PSME4: variants seen among roughly 807,000 people sequenced by gnomAD.
PSME4 encodes proteasome activator complex subunit 4.
Under a neutral mutation model 253.9 loss-of-function variants are expected in PSME4, and 89 were observed. The observed-to-expected ratio is 0.35, with a 90% CI of 0.30 to 0.42. The LOEUF (loss-of-function observed/expected upper bound fraction) is 0.42. PSME4 is among the 10% of genes least tolerant of loss of function. The pLI is 1.00. For missense variants in PSME4, 2,014 were observed against 2,195.2 expected (o/e 0.92, Z 1.65); for synonymous variants, 851 against 759.2 (o/e 1.12, Z -1.99).
chr2:53,869,291 C>G, intron 44 of PSME4, 85 bp downstream of exon 44: 1 of 1,326,114 alleles, frequency 7.5e-7, no homozygotes, highest in Non-Finnish European at 1.0e-6. Flanking sequence ...CACATACATA[C>G]AAGTTATTCA....
rs774008613 is a variant in PSME4 at position 53,948,566 on chromosome 2, T to C, written c.384-29A>G. On this transcript the variant is annotated intron_variant, in intron 2 of 46. Transcript: ENST00000404125. ...AAAAGTAAAATAAAATAAATACCTA[T>C]GTATGCATATGTGCACAGATGTGTG... 15 of 1,281,062 alleles carry C rather than the reference T, an allele frequency of 1.2e-5. No individual in the cohort carries two copies. The Admixed American group carries it at 2.0e-4, about 17-fold the overall frequency. 79.4% of individuals were successfully genotyped at this position (1,281,062 alleles called of 1,614,324 possible).
chr2:53,893,238 A>AT lies in PSME4; in HGVS notation c.4039-279dup, dbSNP rs56187845. On this transcript the variant is annotated intron_variant, in intron 35 of 46. Coordinates refer to ENST00000404125, the MANE Select transcript of PSME4 (RefSeq NM_014614.3). ...ATAAAAAACGCATGCAGTTTTGGGT[A>AT]TTTTTTTTCCTTCTAATGCCAATTA... Among the ~76,000 whole-genome samples, 3 of 151,836 alleles carry AT rather than the reference A, an allele frequency of 2.0e-5. No homozygotes were observed. The East Asian group carries it at 5.8e-4, about 29-fold the overall frequency.
chr2:53,960,104 TA>T (rs1424531425), intron 1 of PSME4, among the ~76,000 whole-genome samples: 1 of 152,100 alleles, frequency 6.6e-6, no homozygotes, highest in Non-Finnish European at 1.5e-5. Flanking sequence ...TCTGCAGAAT[TA>T]AGAGTCATAG....
At chr2:53,868,872 C>T (rs992951170) in intron 44 of PSME4, among the ~76,000 whole-genome samples, 7 of 151,814 alleles carry the variant, frequency 4.6e-5, no homozygotes, top group African/African-American at 1.5e-4. Context: ...ACATAGTAGT[C>T]AGATCTTATT....
At chr2:53,879,295 G>C (rs1266347137) in intron 41 of PSME4, among the ~76,000 whole-genome samples, 2 of 152,160 alleles carry the variant, frequency 1.3e-5, no homozygotes, top group African/African-American at 4.8e-5. Flanking sequence ...TCTAGAGAGT[G>C]TCTGGTTAAA....
Position 53,940,896 on chromosome 2 carries a change from A to AATAT in PSME4, c.501-900_501-897dup, listed in dbSNP as rs1200633852. Among the ~76,000 whole-genome samples the AATAT allele has an allele frequency of 1.1e-4, 13 of 113,670 alleles. 1 individual carries two copies. The highest frequency in any genetic ancestry group is 3.0e-4 in the South Asian group (1 of 3,344). 74.6% of individuals were successfully genotyped at this position (113,670 alleles called of 152,430 possible). Reference sequence around the variant, plus strand: ...TTTAAATATATATAATACATATTTAAATATATATAATACATATTTAAATAT... The same window carrying AATAT: ...TTTAAATATATATAATACATATTTAAATATATATATATAATACATATTTAAATAT... On this transcript the variant is annotated intron_variant, in intron 3 of 46. Transcript: ENST00000404125.
intron 13 of PSME4, 83 bp from the exon 14 acceptor site, chr2:53,925,772 T>G: frequency 2.2e-6 from 3 of 1,393,588 alleles, no homozygotes; most frequent in South Asian, 2.5e-5. Context: ...CTCTCTATTG[T>G]CCTAATTATT....
chr2:53,949,086 C>T (rs1669854708), intron 2 of PSME4, 57 bp downstream of exon 2: 3 of 1,482,298 alleles, frequency 2.0e-6, no homozygotes, highest in Non-Finnish European at 2.7e-6. Context: ...GTCCTCATTC[C>T]CTAAAACCCT....
intron 9 of PSME4, 100 bp from the exon 10 acceptor site, chr2:53,932,200 C>T (rs1668863386): frequency 9.0e-7 from 1 of 1,116,636 alleles, no homozygotes. Flanking sequence ...TTAAAAATAA[C>T]AGTTCTTATT....
At position 53,936,683 on chromosome 2, in the gene PSME4, A is replaced by C. The variant is rs892323830; in HGVS notation, c.759+81T>G. Reference sequence around the variant, plus strand: ...CTTACCAAATGATCTATTAATATTTATCTCCAAATTAAAAAAGTATGGGGG... The same window carrying C: ...CTTACCAAATGATCTATTAATATTTCTCTCCAAATTAAAAAAGTATGGGGG... On this transcript the variant is annotated intron_variant, in intron 6 of 46. Transcript: ENST00000404125. The C allele has an allele frequency of 6.1e-6, 6 of 987,872 alleles. No individual in the cohort carries two copies. In the South Asian group the frequency reaches 1.2e-4, roughly 19 times the overall value. The allele number at this position is 987,872 out of a possible 1,614,324, so 61.2% of individuals were successfully genotyped here.
At chr2:53,910,902 A>T (rs1270555792) in intron 20 of PSME4, among the ~76,000 whole-genome samples, 1 of 152,224 alleles carries the variant, frequency 6.6e-6, no homozygotes, top group Non-Finnish European at 1.5e-5. Context: ...AAAGAGATAC[A>T]TTCTAAAAGG....
At position 53,920,348 on chromosome 2, in the gene PSME4, G is replaced by C. The variant is rs1573290939; in HGVS notation, c.2265C>G (p.Asp755Glu). Residue 755 changes from aspartate (D) to glutamate (E), a missense_variant and splice_region_variant, in exon 19 of 47, where the codon GAC becomes GAG. Asp to Glu is a conservative substitution (Grantham distance 45). Transcript: ENST00000404125. ...TCCACAAGTCCCCGGGTTTGCCCCAGTCCTAGAAGAGAACAGCATCTACTC... is the reference window on the plus strand; with the variant it reads ...TCCACAAGTCCCCGGGTTTGCCCCACTCCTAGAAGAGAACAGCATCTACTC... The part of the protein sequence containing the change: ...KPPSEYFPIK[D>E]WGKPGDLWNL... 1 of 1,608,116 alleles carries C rather than the reference G, an allele frequency of 6.2e-7. No homozygotes were observed.
chr2:53,946,372 C>T (rs1302421437), intron 3 of PSME4, among the ~76,000 whole-genome samples: 3 of 152,150 alleles, frequency 2.0e-5, no homozygotes, highest in Non-Finnish European at 2.9e-5. Context: ...CTGATCTGAA[C>T]ACAGTTCAAA....
intron 24 of PSME4, 88 bp from the exon 25 acceptor site, chr2:53,906,956 A>G (rs1470383195): frequency 8.4e-7 from 1 of 1,193,900 alleles, no homozygotes; most frequent in Admixed American, 1.9e-5. Flanking sequence ...ATAAGTGGTC[A>G]AAAAGGTCCC....
chr2:53,932,076 G>A lies in PSME4; in HGVS notation c.1075C>T (p.Arg359Trp), dbSNP rs1484052394. ...CTTCTAACAACACTGTTTGGCAACC[G>A]CTGAAGTAGTTTCATTAACTTGTTC... ...WLNKLMKLLQ[R>W]LPNSVVRRLH... Residue 359 changes from arginine to tryptophan, a missense_variant, in exon 10 of 47, where the codon CGG (arginine) becomes TGG (tryptophan). By Grantham distance (101) the Arg-to-Trp change is moderately radical (BLOSUM62 -3). Transcript: ENST00000404125. 1.2e-6 allele frequency: 2 copies of A among 1,613,938 alleles called. No individual in the cohort carries two copies. The highest frequency in any genetic ancestry group is 1.7e-6 in the Non-Finnish European group (2 of 1,179,900).
chr2:53,936,714 A>C, intron 6 of PSME4, 50 bp downstream of exon 6: 1 of 1,370,770 alleles, frequency 7.3e-7, no homozygotes, highest in Non-Finnish European at 9.9e-7. Context: ...GGGGGGGAAA[A>C]AAGAAAAAAA....
chr2:53,899,781 G>A, intron 29 of PSME4, 100 bp downstream of exon 29: 1 of 1,401,846 alleles, frequency 7.1e-7, no homozygotes, highest in Middle Eastern at 1.9e-4. Flanking sequence ...TCGTCTCACT[G>A]TACTCCAGCC....
chr2:53,888,676 C>G (rs6745729), intron 38 of PSME4, 45 bp downstream of exon 38: 19 of 1,366,320 alleles, frequency 1.4e-5, no homozygotes, highest in Middle Eastern at 1.8e-4. Context: ...TAAGTTAACA[C>G]AAAACCTTTC....
chr2:53,873,405 A>G (rs958891367), intron 43 of PSME4, among the ~76,000 whole-genome samples: 1 of 152,204 alleles, frequency 6.6e-6, no homozygotes, highest in African/African-American at 2.4e-5. Flanking sequence ...CAATACCAAT[A>G]AGTATATAAA....
Sources: gnomAD v4.1 joint callset for allele counts (sites outside exome capture counted in the v4.1 genomes callset) on GRCh38, gnomAD v4.1.1 for gene constraint, MANE v1.5 for transcripts, NCBI Gene and HGNC (gene_info 2026-07-23, HGNC 2026-07-21) for gene names.